UNC79: variants seen among roughly 807,000 people sequenced by gnomAD.
UNC79 encodes unc-79 subunit of NALCN channel complex, also known as protein unc-79 homolog.
In UNC79, 37 loss-of-function variants were observed where a neutral mutation model predicts 283.1. That is an observed-to-expected ratio of 0.13 (90% confidence interval 0.10 to 0.17). The LOEUF (loss-of-function observed/expected upper bound fraction) is 0.17. Ranked by LOEUF, UNC79 falls within the 10% of genes least tolerant of loss-of-function variation. The pLI, the probability that UNC79 is intolerant of heterozygous loss-of-function variation, is 1.00. For synonymous variants in UNC79, 1,107 were observed against 1,200.2 expected, an observed-to-expected ratio of 0.92 and a Z score of 1.61; for missense variants, 2,272 against 3,211.1, an observed-to-expected ratio of 0.71 and a Z score of 7.07.
At chr14:93,679,039 A>T (rs898449835) in intron 41 of UNC79, among the ~76,000 whole-genome samples, 11 of 152,086 alleles carry the variant, frequency 7.2e-5, no homozygotes, top group African/African-American at 2.7e-4. Context: ...TGGATATTTT[A>T]TGTGTAATAG....
intron 4 of UNC79, among the ~76,000 whole-genome samples, chr14:93,485,691 T>C (rs1247871370): frequency 2.6e-5 from 4 of 152,200 alleles, no homozygotes; most frequent in Non-Finnish European, 5.9e-5. Context: ...CTTTGTCTAA[T>C]TATTAATACT....
chr14:93,357,808 GATATATAT>G (rs1193245891), intron 1 of UNC79, among the ~76,000 whole-genome samples: 1 of 86,438 alleles, frequency 1.2e-5, no homozygotes, highest in South Asian at 3.8e-4. Flanking sequence ...TGGATATATG[GATATATAT>G]ATATGGATAT....
chr14:93,547,212 C>T (rs980790210), intron 14 of UNC79, among the ~76,000 whole-genome samples: 5 of 152,174 alleles, frequency 3.3e-5, no homozygotes, highest in African/African-American at 1.2e-4. Context: ...TTTCTAGGAA[C>T]TTTATATAAT....
chr14:93,613,079 C>A, exon 27 of UNC79: 1 of 1,614,030 alleles, frequency 6.2e-7, no homozygotes, highest in Non-Finnish European at 8.5e-7. Context: ...GCAGGAATTG[C>A]CCAAGTAAGT....
intron 1 of UNC79, among the ~76,000 whole-genome samples, chr14:93,346,999 C>T (rs1306841561): frequency 6.8e-6 from 1 of 146,266 alleles, no homozygotes; most frequent in East Asian, 2.0e-4. Flanking sequence ...AGGGGTGGTG[C>T]AGAGCAAGTG....
chr14:93,602,220 AT>A (rs1408553137), intron 25 of UNC79, among the ~76,000 whole-genome samples: 1 of 152,160 alleles, frequency 6.6e-6, no homozygotes, highest in Non-Finnish European at 1.5e-5. Context: ...GTCTTCTAGA[AT>A]TTTTACGGTT....
At chr14:93,523,287 A>G (rs1291297690) in intron 7 of UNC79, among the ~76,000 whole-genome samples, 1 of 152,180 alleles carries the variant, frequency 6.6e-6, no homozygotes, top group African/African-American at 2.4e-5. Flanking sequence ...TTAGCAGACT[A>G]GCAGAGATTT....
intron 20 of UNC79, among the ~76,000 whole-genome samples, chr14:93,583,282 C>T (rs12885041): frequency 0.15 from 23,049 of 150,522 alleles, 1,917 homozygotes; most frequent in Middle Eastern, 0.18. Flanking sequence ...CGCACCATTG[C>T]ACTCCAGCCT....
chr14:93,517,229 T>TTTCC (rs1183110699), intron 7 of UNC79, among the ~76,000 whole-genome samples: 1 of 149,272 alleles, frequency 6.7e-6, no homozygotes, highest in Non-Finnish European at 1.5e-5. Flanking sequence ...CCCTTCCTTC[T>TTTCC]TTCCTTCCTT....
chr14:93,612,168 C>G (rs559315924), intron 26 of UNC79, among the ~76,000 whole-genome samples: 1 of 152,124 alleles, frequency 6.6e-6, no homozygotes, highest in Non-Finnish European at 1.5e-5. Context: ...TGTTTGTGTC[C>G]TCTCCCTTCC....
intron 47 of UNC79, among the ~76,000 whole-genome samples, chr14:93,699,179 T>C (rs767745675): frequency 4.6e-5 from 7 of 152,352 alleles, no homozygotes; most frequent in Admixed American, 3.3e-4. Flanking sequence ...CATTTTCATT[T>C]AATGTGTTTT....
At chr14:93,426,495 ATATGT>A, upstream of UNC79, among the ~76,000 whole-genome samples, 1 of 151,180 alleles carries the variant, frequency 6.6e-6, no homozygotes. Context: ...GAGTATAATT[ATATGT>A]TATAACTTTT....
intron 35 of UNC79, among the ~76,000 whole-genome samples, chr14:93,651,912 ATTTTTTTTTTT>A (rs71129653): frequency 2.4e-4 from 11 of 46,602 alleles, no homozygotes; most frequent in Admixed American, 3.1e-4. Context: ...CTAATTTTGT[ATTTTTTTTTTT>A]TTTTTTTTTT....
chr14:93,569,189 A>G (rs2063074252), intron 14 of UNC79, among the ~76,000 whole-genome samples: 1 of 152,216 alleles, frequency 6.6e-6, no homozygotes. Flanking sequence ...TAATCCCAGC[A>G]CTTTGGGAGG....
chr14:93,498,688 C>T (rs1262303078), intron 7 of UNC79, among the ~76,000 whole-genome samples: 1 of 152,052 alleles, frequency 6.6e-6, no homozygotes. Flanking sequence ...AGAACATTAA[C>T]TTTAAATATA....
intron 1 of UNC79, among the ~76,000 whole-genome samples, chr14:93,414,716 T>C (rs2055414498): frequency 6.6e-6 from 1 of 152,198 alleles, no homozygotes; most frequent in Non-Finnish European, 1.5e-5. Flanking sequence ...AGCAGTGGTT[T>C]GTAGTTCTCC....
intron 1 of UNC79, among the ~76,000 whole-genome samples, chr14:93,378,484 GT>G (rs528124618): frequency 6.8e-6 from 1 of 148,138 alleles, no homozygotes; most frequent in African/African-American, 2.5e-5. Context: ...TTCAGATTTT[GT>G]TTTTTTTTCA....
intron 32 of UNC79, among the ~76,000 whole-genome samples, chr14:93,639,144 A>G (rs2068787929): frequency 6.6e-6 from 1 of 152,158 alleles, no homozygotes; most frequent in Non-Finnish European, 1.5e-5. Flanking sequence ...ATTACTATAT[A>G]ATAGTAATTG....
At chr14:93,598,095 T>C (rs1421878289) in intron 24 of UNC79, among the ~76,000 whole-genome samples, 1 of 152,080 alleles carries the variant, frequency 6.6e-6, no homozygotes, top group Non-Finnish European at 1.5e-5. Context: ...CAAGTGATCC[T>C]CCTTCCTCAG....
Sources: gnomAD v4.1 joint callset for allele counts (sites outside exome capture counted in the v4.1 genomes callset) on GRCh38, gnomAD v4.1.1 for gene constraint, MANE v1.5 for transcripts, NCBI Gene and HGNC (gene_info 2026-07-23, HGNC 2026-07-21) for gene names.